The following EHHADH variants were observed in gnomAD, a reference collection of about 807,000 sequenced individuals.
EHHADH encodes enoyl-CoA hydratase and 3-hydroxyacyl CoA dehydrogenase.
In EHHADH, 48 loss-of-function variants were observed where a neutral mutation model predicts 64.4. The ratio of observed to expected loss-of-function variants is 0.75; its 90% CI spans 0.59 to 0.95. The LOEUF is 0.95. EHHADH is among the 40% of genes least tolerant of loss of function. The pLI, the probability that EHHADH is intolerant of heterozygous loss-of-function variation, is 0.00. For synonymous variants in EHHADH, 308 were observed against 326.7 expected (o/e 0.94, Z 0.62); for missense variants, 854 against 876.6 (o/e 0.97, Z 0.33).
chr3:185,205,674 C>T (rs977285628), intron 5 of EHHADH, among the ~76,000 whole-genome samples: 27 of 152,104 alleles, frequency 1.8e-4, no homozygotes, highest in African/African-American at 6.0e-4. Flanking sequence ...TCACAATCTG[C>T]TCAGTGAGAA....
chr3:185,202,734 C>T (rs1326315523), intron 6 of EHHADH, among the ~76,000 whole-genome samples: 2 of 152,128 alleles, frequency 1.3e-5, no homozygotes, highest in Non-Finnish European at 2.9e-5. Flanking sequence ...GAATTTAATG[C>T]CTGATGATCT....
chr3:185,217,174 G>A (rs1463047967), intron 5 of EHHADH, among the ~76,000 whole-genome samples: 2 of 152,176 alleles, frequency 1.3e-5, no homozygotes, highest in African/African-American at 4.8e-5. Flanking sequence ...CATGGGAGCT[G>A]ATCCCTCAGG....
rs375805204 is a variant in EHHADH, at chr3:185,240,973, C to G, written c.179-5511G>C. ...CTTGCCCCACTCCCACCCTTCCCCC[C>G]CAAATCCCCAAAGTCCATTGTATCA... is the stretch of plus-strand genomic sequence containing the variant. On this transcript the variant is annotated intron_variant, in intron 2 of 6. Transcript: ENST00000231887. 7.9e-5 allele frequency among the ~76,000 whole-genome samples: 12 copies of G among 152,108 alleles called. 1 individual carries two copies. In the Middle Eastern group the frequency reaches 0.014, roughly 172 times the overall value.
intron 2 of EHHADH, among the ~76,000 whole-genome samples, chr3:185,237,868 T>C (rs765531289): frequency 1.3e-5 from 2 of 152,126 alleles, no homozygotes; most frequent in Non-Finnish European, 2.9e-5. Flanking sequence ...ACGGTGAACA[T>C]TGTACCACTT....
At chr3:185,253,097 G>C (rs1372966816) in intron 1 of EHHADH, 3 of 153,646 alleles carry the variant, frequency 2.0e-5, no homozygotes, top group East Asian at 2.0e-4. Flanking sequence ...TATTGCATAG[G>C]CTTAGTCTGA....
At chr3:185,215,852 T>C (rs1305790786) in intron 5 of EHHADH, among the ~76,000 whole-genome samples, 1 of 152,212 alleles carries the variant, frequency 6.6e-6, no homozygotes, top group Admixed American at 6.5e-5. Context: ...ATACTCCAGA[T>C]AATGATCATT....
chr3:185,210,953 G>A (rs1033611097), intron 5 of EHHADH, among the ~76,000 whole-genome samples: 2 of 152,142 alleles, frequency 1.3e-5, no homozygotes, highest in Admixed American at 6.5e-5. Context: ...ACTGCATATG[G>A]GCATTTTGGG....
At chr3:185,234,607 C>T (rs12496124) in intron 3 of EHHADH, among the ~76,000 whole-genome samples, 5 of 20,534 alleles carry the variant, frequency 2.4e-4, no homozygotes, top group African/African-American at 4.9e-4. Flanking sequence ...TCCCCTGTAG[C>T]TGATGGATCA....
Position 185,192,386 on chromosome 3 carries a change from C to G in EHHADH, c.2012G>C (p.Gly671Ala). The change falls in exon 7 of 7, where the codon GGG becomes GCG. Residue 671 changes from glycine to alanine, a missense_variant. Physicochemically the swap from Gly to Ala is moderately conservative, Grantham distance 60. Transcript: ENST00000231887. ...CAATTTCTCTAGAACTGTGGGCAACCCAACTGTGGAAGCATAGAACATGGG... is the reference window on the plus strand; with the variant it reads ...CAATTTCTCTAGAACTGTGGGCAACGCAACTGTGGAAGCATAGAACATGGG... Reference protein sequence around the residue: ...GGPMFYASTVGLPTVLEKLQK... With the variant: ...GGPMFYASTVALPTVLEKLQK... 6.2e-7 allele frequency: 1 copy of G among 1,614,150 alleles called. No individual in the cohort carries two copies. Among genetic ancestry groups the G allele is most frequent in the Non-Finnish European group, 8.5e-7 (1 of 1,180,034 alleles).
intron 2 of EHHADH, among the ~76,000 whole-genome samples, chr3:185,241,644 G>A (rs1719456123): frequency 6.6e-6 from 1 of 151,850 alleles, no homozygotes; most frequent in African/African-American, 2.4e-5. Context: ...CTTTTTAATG[G>A]GATTTTTTTT....
chr3:185,232,901 A>G (rs1272474587), intron 3 of EHHADH, among the ~76,000 whole-genome samples: 1 of 152,238 alleles, frequency 6.6e-6, no homozygotes, highest in Non-Finnish European at 1.5e-5. Context: ...TCTTTTGAAA[A>G]TGAAGGCAAA....
intron 1 of EHHADH, among the ~76,000 whole-genome samples, chr3:185,248,811 C>T (rs984164532): frequency 1.3e-5 from 2 of 152,116 alleles, no homozygotes; most frequent in Non-Finnish European, 1.5e-5. Flanking sequence ...AAAATTGACA[C>T]CAACCAATTT....
Position 185,216,660 on chromosome 3 carries a change from G to A in EHHADH, c.568+1476C>T, listed in dbSNP as rs2108636406. Among the ~76,000 whole-genome samples the A allele has an allele frequency of 6.6e-6, 1 of 152,242 alleles. No individual in the cohort carries two copies. The highest frequency in any genetic ancestry group is 2.1e-4 in the South Asian group (1 of 4,824). On this transcript the variant is annotated intron_variant, in intron 5 of 6. Transcript: ENST00000231887. This position sits in a 1 kb window ranked among gnomAD's most constrained non-coding sequence, Gnocchi z 5.3. Reference sequence around the variant, plus strand: ...TTACTTTCACATTGAAACAGTAACTGGCTAGAGCCACAAAAAAGAAAGATT... The same window carrying A: ...TTACTTTCACATTGAAACAGTAACTAGCTAGAGCCACAAAAAAGAAAGATT...
intron 5 of EHHADH, among the ~76,000 whole-genome samples, chr3:185,210,575 CAGTG>C (rs1718513403): frequency 1.3e-5 from 2 of 148,930 alleles, no homozygotes; most frequent in Non-Finnish European, 3.0e-5. Flanking sequence ...GCAGAGGTTG[CAGTG>C]AGCCGAGATT....
chr3:185,232,990 T>C (rs1306194030), intron 3 of EHHADH, among the ~76,000 whole-genome samples: 1 of 152,214 alleles, frequency 6.6e-6, no homozygotes, highest in Non-Finnish European at 1.5e-5. Context: ...CAGGCTGTAA[T>C]GAAAAGGCAC....
chr3:185,219,680 G>C (rs1718784768), intron 4 of EHHADH, among the ~76,000 whole-genome samples: 1 of 152,180 alleles, frequency 6.6e-6, no homozygotes, highest in Non-Finnish European at 1.5e-5. Context: ...CACATCGCTT[G>C]CTTTCTTGCC....
In EHHADH at chr3:185,235,407, A is replaced by G. The variant is rs556809815; in HGVS notation, c.234T>C (p.His78=). 1.1e-4 allele frequency: 176 copies of G among 1,613,938 alleles called. 1 individual carries two copies. In the South Asian group the frequency reaches 1.5e-3, roughly 14 times the overall value. The change falls in exon 3 of 7, where the codon CAT becomes CAC. Residue 78 remains histidine (H), a synonymous_variant. Transcript: ENST00000231887. ...APRTFGLTLG[H]VVDEIQRNEK... Reference sequence around the variant, plus strand: ...CATTTCTCTGTATTTCATCTACTACATGTCCCAGTGTAAGGCCAAATGTCC... The same window carrying G: ...CATTTCTCTGTATTTCATCTACTACGTGTCCCAGTGTAAGGCCAAATGTCC...
chr3:185,253,745 C>T (rs1719813725), intron 1 of EHHADH: 2 of 1,200,214 alleles, frequency 1.7e-6, no homozygotes, highest in Non-Finnish European at 2.2e-6. Context: ...CGAAGATTAA[C>T]CAAGCTAATC....
rs1490999891 is a variant in EHHADH, at chr3:185,190,795, CCATT to C, written c.*1427_*1430del. On this transcript the variant is annotated 3_prime_UTR_variant, in exon 7 of 7. Transcript: ENST00000231887. ...TTTTTAACAACGGAAAACTTATACT[CCATT>C]CAAGATTTTTCCATCAGAACTTTAA... The C allele has an allele frequency of 1.3e-5, 2 of 152,114 alleles. No individual in the cohort carries two copies. Among genetic ancestry groups the C allele is most frequent in the African/African-American group, 4.8e-5 (2 of 41,424 alleles). 9.4% of individuals were successfully genotyped at this position (152,114 alleles called of 1,614,324 possible). A position where few individuals can be genotyped will look rare whatever the true frequency, so the allele number is the denominator to read the frequency against.
Sources: allele counts gnomAD v4.1 joint callset (sites outside exome capture counted in the v4.1 genomes callset), GRCh38; gene constraint gnomAD v4.1.1; non-coding constraint Gnocchi (gnomAD v3.1); transcripts MANE v1.5; gene names NCBI Gene and HGNC (gene_info 2026-07-23, HGNC 2026-07-21).